GPT2: variants seen among roughly 807,000 people sequenced by gnomAD.
GPT2 encodes alanine aminotransferase 2.
GPT2 carries 30 observed loss-of-function variants against 56.9 expected under a neutral mutation model. The ratio of observed to expected loss-of-function variants is 0.53; its 90% confidence interval spans 0.39 to 0.72. GPT2 has a LOEUF of 0.72. Among genes scored for constraint, GPT2 ranks in the 30% least tolerant of loss-of-function variants. GPT2 has a pLI of 0.00. For synonymous variants in GPT2, 271 were observed against 283.1 expected (o/e 0.96, Z 0.43); for missense variants, 542 against 703.4 (o/e 0.77, Z 2.60).
intron 11 of GPT2, among the ~76,000 whole-genome samples, chr16:46,928,221 G>A (rs938508493): frequency 2.6e-5 from 4 of 151,996 alleles, no homozygotes; most frequent in African/African-American, 4.8e-5. Flanking sequence ...CTAGCTACTC[G>A]GGAGGCTGAG....
chr16:46,919,254 A>G (rs1961233416), intron 8 of GPT2, among the ~76,000 whole-genome samples: 1 of 152,038 alleles, frequency 6.6e-6, no homozygotes, highest in Admixed American at 6.6e-5. Flanking sequence ...AGCACCGCGG[A>G]TGCCGCAGCG....
intron 4 of GPT2, among the ~76,000 whole-genome samples, chr16:46,903,045 T>C (rs1023854890): frequency 6.6e-6 from 1 of 152,162 alleles, no homozygotes; most frequent in African/African-American, 2.4e-5. Context: ...GGTCAGGAGT[T>C]AGAGATCAGC....
At chr16:46,904,615 C>A (rs1013847473) in intron 4 of GPT2, among the ~76,000 whole-genome samples, 1 of 151,980 alleles carries the variant, frequency 6.6e-6, no homozygotes, top group African/African-American at 2.4e-5. Flanking sequence ...GTCTGTGACC[C>A]GCAGAAGTAA....
intron 4 of GPT2, among the ~76,000 whole-genome samples, chr16:46,905,529 C>G (rs777481924): frequency 3.3e-5 from 5 of 152,124 alleles, no homozygotes; most frequent in Non-Finnish European, 5.9e-5. Flanking sequence ...TTCAAAAGAT[C>G]TAAAAGAATA....
At chr16:46,918,901 G>T in intron 8 of GPT2, 144 bp downstream of exon 8, 1 of 1,008,898 alleles carries the variant, frequency 9.9e-7, no homozygotes, top group Non-Finnish European at 1.4e-6. Context: ...CTCCCCAGTG[G>T]GAGAGCCGTG....
In GPT2 at chr16:46,907,866, G is replaced by C. The variant is rs148174593; in HGVS notation, c.576+891G>C. ...TCGGGCTGGGGTCAGCTACCGATGG[G>C]GTCGGGGAGGGCTGGGGCCAGTGGT... On this transcript the variant is annotated intron_variant, in intron 5 of 11. Coordinates refer to ENST00000340124, the MANE Select transcript of GPT2 (RefSeq NM_133443.4). 8.3e-4 allele frequency among the ~76,000 whole-genome samples: 127 copies of C among 152,364 alleles called. 1 individual carries two copies. The Middle Eastern group carries it at 0.014, about 16-fold the overall frequency.
Position 46,884,811 on chromosome 16 carries a change from G to A in GPT2, c.96G>A (p.Ser32=). The change falls in exon 2 of 12, where the codon TCG becomes TCA. Residue 32 remains serine (S), a synonymous_variant. Transcript: ENST00000340124. The part of the protein sequence containing the change: ...RSQSSAAAEA[S]AVLKVRPERS... ...AGAGCAGCGCGGCCGCCGAGGCCTC[G>A]GCGGTGCTCAAGGTGCGGCCCGAGC... is the stretch of plus-strand genomic sequence containing the variant. The A allele has an allele frequency of 6.5e-7, 1 of 1,527,446 alleles. No homozygotes were observed. Among genetic ancestry groups the A allele is most frequent in the Non-Finnish European group, 8.8e-7 (1 of 1,137,644 alleles). The allele number at this position is 1,527,446 out of a possible 1,614,324, so 94.6% of individuals were successfully genotyped here. A position where few individuals can be genotyped will look rare whatever the true frequency, so the allele number is the denominator to read the frequency against.
At chr16:46,895,597 A>T (rs1960671242) in intron 2 of GPT2, among the ~76,000 whole-genome samples, 1 of 151,972 alleles carries the variant, frequency 6.6e-6, no homozygotes, top group South Asian at 2.1e-4. Context: ...ATCATAGCTC[A>T]CTGCAACCTT....
At chr16:46,893,451 C>A (rs1253258575) in intron 2 of GPT2, among the ~76,000 whole-genome samples, 13 of 152,176 alleles carry the variant, frequency 8.5e-5, no homozygotes, top group Non-Finnish European at 4.4e-5. Context: ...TATTTTTGAT[C>A]CACGGTTGGT....
intron 4 of GPT2, 118 bp from the exon 5 acceptor site, chr16:46,906,724 C>G: frequency 7.3e-7 from 1 of 1,368,080 alleles, no homozygotes; most frequent in Middle Eastern, 2.3e-4. Flanking sequence ...GGAGTTGGGC[C>G]CCACCCCGAG....
chr16:46,892,000 A>G (rs923441445), intron 2 of GPT2, among the ~76,000 whole-genome samples: 6 of 152,010 alleles, frequency 3.9e-5, no homozygotes, highest in Non-Finnish European at 7.4e-5. Flanking sequence ...AGCTCCCACA[A>G]ATAAGTTACA....
intron 8 of GPT2, among the ~76,000 whole-genome samples, chr16:46,920,081 C>T (rs1473480041): frequency 2.6e-5 from 4 of 152,296 alleles, no homozygotes; most frequent in Middle Eastern, 3.4e-3. Flanking sequence ...TTTGGTGGTG[C>T]GCGCTTCCAG....
intron 9 of GPT2, chr16:46,923,958 C>T (rs1596634649): frequency 3.1e-6 from 1 of 317,796 alleles, no homozygotes; most frequent in East Asian, 8.0e-5. Context: ...AGAATAGAAC[C>T]CATGACACAG....
rs764123939 is a variant in GPT2 at position 46,916,633 on chromosome 16, G to C, written c.826G>C (p.Val276Leu). 4.3e-6 allele frequency: 7 copies of C among 1,613,352 alleles called. No individual in the cohort carries two copies. The highest frequency in any genetic ancestry group is 1.1e-5 in the South Asian group (1 of 91,062). Residue 276 changes from valine (V) to leucine (L), a missense_variant, in exon 7 of 12, where the codon GTA (valine) becomes CTA (leucine). By Grantham distance (32) the Val-to-Leu change is conservative (BLOSUM62 1). Coordinates refer to ENST00000340124, the MANE Select transcript of GPT2 (RefSeq NM_133443.4). ...TTTTCTTGGGGATTTTATAGGCCAG[G>C]TACAAAGCAGAAAGTGCATAGAAGA... ...IINPGNPTGQ[V>L]QSRKCIEDVI...
rs1008426823 is a variant in GPT2 at position 46,931,244 on chromosome 16, A to G, written c.*2247A>G. ...TATCTCCTGACAGAGGTACTTAACA[A>G]TGGCTCTGCTGGAAATTTCTATAAA... On this transcript the variant is annotated 3_prime_UTR_variant, in exon 12 of 12. Transcript: ENST00000340124. 6.6e-6 allele frequency: 1 copy of G among 152,188 alleles called. No homozygotes were observed. Among genetic ancestry groups the G allele is most frequent in the East Asian group, 1.9e-4 (1 of 5,206 alleles). The allele number at this position is 152,188 out of a possible 1,614,324, so 9.4% of individuals were successfully genotyped here. A position where few individuals can be genotyped will look rare whatever the true frequency, so the allele number is the denominator to read the frequency against.
At chr16:46,889,451 G>A (rs1278166369) in intron 2 of GPT2, among the ~76,000 whole-genome samples, 1 of 151,538 alleles carries the variant, frequency 6.6e-6, no homozygotes, top group African/African-American at 2.4e-5. Flanking sequence ...ATGGGATCTC[G>A]CTTATGTTGT....
intron 3 of GPT2, among the ~76,000 whole-genome samples, chr16:46,898,965 T>C (rs1486272068): frequency 1.1e-4 from 3 of 27,844 alleles, no homozygotes; most frequent in South Asian, 2.4e-3. Context: ...TGTATATATA[T>C]ACACACACAC....
In GPT2 at chr16:46,929,970, G is replaced by GC. The variant is rs1379519244; in HGVS notation, c.*975dup. ...GGCAATCCCCGGGACCTGCCGAGCA[G>GC]CCAAGGCCCTGTCCTTTCTTGAATG... On this transcript the variant is annotated 3_prime_UTR_variant, in exon 12 of 12. Transcript: ENST00000340124. 2 of 152,676 alleles carry GC rather than the reference G, an allele frequency of 1.3e-5. No individual in the cohort carries two copies. Among genetic ancestry groups the GC allele is most frequent in the African/African-American group, 2.4e-5 (1 of 41,480 alleles). 9.5% of individuals were successfully genotyped at this position (152,676 alleles called of 1,614,324 possible).
chr16:46,910,195 A>G (rs1051541657), intron 6 of GPT2, among the ~76,000 whole-genome samples: 1 of 152,066 alleles, frequency 6.6e-6, no homozygotes, highest in Admixed American at 6.6e-5. Context: ...AGCCTGGCCA[A>G]CATGGCGAAA....
Sources: allele counts gnomAD v4.1 joint callset (sites outside exome capture counted in the v4.1 genomes callset), GRCh38; gene constraint gnomAD v4.1.1; transcripts MANE v1.5; gene names NCBI Gene and HGNC (gene_info 2026-07-23, HGNC 2026-07-21).